RBM4B: variants seen among roughly 807,000 people sequenced by gnomAD.
RBM4B encodes the protein RNA-binding protein 4B.
RBM4B carries 13 observed loss-of-function variants against 28.5 expected under a neutral mutation model. The ratio of observed to expected loss-of-function variants is 0.46; its 90% confidence interval spans 0.30 to 0.72. The LOEUF (loss-of-function observed/expected upper bound fraction) is 0.72. Among genes scored for constraint, RBM4B ranks in the 30% least tolerant of loss-of-function variants. The pLI is 0.09. For synonymous variants in RBM4B, 167 were observed against 179.1 expected (o/e 0.93, Z 0.54); for missense variants, 387 against 477.6 (o/e 0.81, Z 1.77).
In RBM4B at chr11:66,671,743, C is replaced by T. The variant is rs142352161; in HGVS notation, c.413-2452G>A. On this transcript the variant is annotated intron_variant, in intron 2 of 3. Transcript: ENST00000310046. The stretch of plus-strand genomic sequence containing the variant: ...GATGCAGGTATCAATTTTTTTGTTG[C>T]GTTTGTTTGATTTTTGAGACGTAGT... Among the ~76,000 whole-genome samples the T allele has an allele frequency of 6.9e-4, 105 of 151,980 alleles. 2 individuals carry two copies. The highest frequency in any genetic ancestry group is 8.5e-4 in the Admixed American group (13 of 15,256).
At chr11:66,673,469 T>C (rs1939534467) in intron 2 of RBM4B, among the ~76,000 whole-genome samples, 1 of 152,142 alleles carries the variant, frequency 6.6e-6, no homozygotes, top group Non-Finnish European at 1.5e-5. Flanking sequence ...TTTTTGTTGG[T>C]TCATTTTTGA....
In RBM4B at chr11:66,665,407, A is replaced by C. The variant is rs1590877359; in HGVS notation, c.*181T>G. ...GTGAAAGGCTACAGAGACTAGTTTC[A>C]GGAGGAAAGAAAAGTCAACTTAGAA... On this transcript the variant is annotated 3_prime_UTR_variant, in exon 4 of 4. Transcript: ENST00000310046. The C allele has an allele frequency of 9.3e-6, 6 of 644,782 alleles. No homozygotes were observed. In the East Asian group the frequency reaches 1.6e-4, roughly 18 times the overall value. 39.9% of individuals were successfully genotyped at this position (644,782 alleles called of 1,614,324 possible). A position where few individuals can be genotyped will look rare whatever the true frequency, so the allele number is the denominator to read the frequency against.
chr11:66,668,759 T>C lies in RBM4B; in HGVS notation c.945A>G (p.Thr315=). 1.2e-6 allele frequency: 2 copies of C among 1,614,152 alleles called. No homozygotes were observed. Among genetic ancestry groups the C allele is most frequent in the Non-Finnish European group, 1.7e-6 (2 of 1,180,018 alleles). Residue 315 remains threonine, a synonymous_variant, in exon 3 of 4, where the codon ACA becomes ACG. Transcript: ENST00000310046. ...GCCCATAACCGTAGCCCTCTCCAAC[T>C]GTGGGGAGCATGGCTGCAGCACGAC... ...PLRRAAAMLP[T]VGEGYGYGPE...
At chr11:66,673,959 GCTATCTCCAGAGGA>G (rs1220296076) in intron 2 of RBM4B, among the ~76,000 whole-genome samples, 1 of 152,158 alleles carries the variant, frequency 6.6e-6, no homozygotes, top group African/African-American at 2.4e-5. Flanking sequence ...GGAGGAGAGT[GCTATCTCCAGAGGA>G]GCCAAGTTAA....
Position 66,665,454 on chromosome 11 carries a change from T to G in RBM4B, c.*134A>C. ...AGAAGAATTAAGAAAGAAAACATAG[T>G]TGGTCACAAACTCCTTTTGTTTACT... On this transcript the variant is annotated 3_prime_UTR_variant, in exon 4 of 4. Transcript: ENST00000310046. The G allele has an allele frequency of 1.3e-6, 1 of 749,338 alleles. No homozygotes were observed. Among genetic ancestry groups the G allele is most frequent in the South Asian group, 1.5e-5 (1 of 65,584 alleles). The allele number at this position is 749,338 out of a possible 1,614,324, so 46.4% of individuals were successfully genotyped here. A position where few individuals can be genotyped will look rare whatever the true frequency, so the allele number is the denominator to read the frequency against.
chr11:66,675,243 A>G (rs1260577173), intron 2 of RBM4B, among the ~76,000 whole-genome samples: 2 of 152,264 alleles, frequency 1.3e-5, no homozygotes, highest in Non-Finnish European at 2.9e-5. Context: ...AAACACTTTC[A>G]CATCGATTTC....
At chr11:66,676,529 A>T in intron 2 of RBM4B, 139 bp downstream of exon 2, 1 of 1,047,114 alleles carries the variant, frequency 9.6e-7, no homozygotes, top group Non-Finnish European at 1.4e-6. Context: ...AATTATGCTT[A>T]AGAGCGGTAA....
Position 66,669,194 on chromosome 11 carries a change from G to C in RBM4B, c.510C>G (p.His170Gln). ...GATCTACTGGGCACTCTTTGGACCAGTGCCCTTCTTTCCCACACCGATAGC... is the reference window on the plus strand; with the variant it reads ...GATCTACTGGGCACTCTTTGGACCACTGCCCTTCTTTCCCACACCGATAGC... ...SGCYRCGKEG[H>Q]WSKECPVDRT... The change falls in exon 3 of 4, where the codon CAC becomes CAG. Residue 170 changes from histidine (H) to glutamine (Q), a missense_variant. Around this residue, in one of 2 missense-constraint regions of RBM4B, gnomAD observed 161 missense variants for 256.9 expected, o/e 0.63. Coordinates refer to ENST00000310046, the MANE Select transcript of RBM4B (RefSeq NM_031492.4). 6.2e-7 allele frequency: 1 copy of C among 1,614,174 alleles called. No homozygotes were observed. Among genetic ancestry groups the C allele is most frequent in the East Asian group, 2.2e-5 (1 of 44,878 alleles).
At chr11:66,665,849 C>G (rs775535254) in intron 3 of RBM4B, 2 of 1,526,978 alleles carry the variant, frequency 1.3e-6, no homozygotes, top group Non-Finnish European at 8.8e-7. Context: ...TCTTATCCAT[C>G]TTTTAGGCAA....
In RBM4B at chr11:66,665,943, C is replaced by G. The variant is rs1310146982; in HGVS notation, c.*10-365G>C. ...AAGAACTGCAATTTAATTTTGGAGT[C>G]CAGGAAAAGCAGAAGATGCTGAGAT... On this transcript the variant is annotated intron_variant, in intron 3 of 3. Transcript: ENST00000310046. The G allele has an allele frequency of 3.9e-6, 6 of 1,534,206 alleles. No homozygotes were observed. The South Asian group carries it at 7.2e-5, about 18-fold the overall frequency.
intron 2 of RBM4B, among the ~76,000 whole-genome samples, chr11:66,673,731 G>T (rs764109238): frequency 6.6e-6 from 1 of 152,188 alleles, no homozygotes; most frequent in Non-Finnish European, 1.5e-5. Context: ...AGAGTGCTGG[G>T]ATTACAGGAG....
chr11:66,665,268 G>C lies in RBM4B; in HGVS notation c.*320C>G, dbSNP rs997287206. 2.6e-6 allele frequency: 1 copy of C among 382,076 alleles called. No homozygotes were observed. Among genetic ancestry groups the C allele is most frequent in the Non-Finnish European group, 4.8e-6 (1 of 209,706 alleles). 23.7% of individuals were successfully genotyped at this position (382,076 alleles called of 1,614,324 possible). On this transcript the variant is annotated 3_prime_UTR_variant, in exon 4 of 4. Coordinates refer to ENST00000310046, the MANE Select transcript of RBM4B (RefSeq NM_031492.4). ...AGATGCTGCAGGTAGGCAGGGAGAA[G>C]GATTCAACTCCTAGGGAAAGCAAGA...
chr11:66,669,444 GTTT>G (rs1278264019), intron 2 of RBM4B, among the ~76,000 whole-genome samples, 153 bp from the exon 3 acceptor site: 1 of 151,544 alleles, frequency 6.6e-6, no homozygotes, highest in African/African-American at 2.4e-5. Context: ...AGTAGTTGAA[GTTT>G]TTTTGTTTTT....
rs2135237053 is a variant in RBM4B, at chr11:66,669,225, C to T, written c.479G>A (p.Ser160Asn). Residue 160 changes from serine (S) to asparagine (N), a missense_variant, in exon 3 of 4, where the codon AGT becomes AAT. By Grantham distance (46) the Ser-to-Asn change is conservative. This residue lies in a region of RBM4B where 161 missense variants were observed against 256.9 expected (regional missense o/e 0.63). Transcript: ENST00000310046. Reference protein sequence around the residue: ...LRTAPGMGDQSGCYRCGKEGH... With the variant: ...LRTAPGMGDQNGCYRCGKEGH... ...TTCTTTCCCACACCGATAGCAGCCA[C>T]TCTGGTCTCCCATACCAGGGGCAGT... The T allele has an allele frequency of 1.2e-6, 2 of 1,614,218 alleles. No homozygotes were observed. Among genetic ancestry groups the T allele is most frequent in the East Asian group, 2.2e-5 (1 of 44,884 alleles).
Position 66,669,092 on chromosome 11 carries a change from G to A in RBM4B, c.612C>T (p.Gly204=). 3 of 1,614,100 alleles carry A rather than the reference G, an allele frequency of 1.9e-6. No individual in the cohort carries two copies. The highest frequency in any genetic ancestry group is 2.7e-5 in the African/African-American group (2 of 75,020). The part of the protein sequence containing the change: ...YGAVRTPYTM[G]YGESMYYNDA... Reference sequence around the variant, plus strand: ...CGTTGTAATACATGGATTCCCCGTAGCCCATGGTGTAAGGTGTTCGAACTG... The same window carrying A: ...CGTTGTAATACATGGATTCCCCGTAACCCATGGTGTAAGGTGTTCGAACTG... Residue 204 remains glycine, a synonymous_variant, in exon 3 of 4, where the codon GGC becomes GGT. Coordinates refer to ENST00000310046, the MANE Select transcript of RBM4B (RefSeq NM_031492.4).
chr11:66,669,924 TTACTTGTA>T (rs1939408762), intron 2 of RBM4B, among the ~76,000 whole-genome samples: 1 of 152,258 alleles, frequency 6.6e-6, no homozygotes, highest in South Asian at 2.1e-4. Flanking sequence ...AAGATTGTTA[TTACTTGTA>T]ATGATTCAAA....
intron 3 of RBM4B, 83 bp from the exon 4 acceptor site, chr11:66,665,661 C>T (rs1939198372): frequency 1.3e-6 from 2 of 1,527,514 alleles, no homozygotes; most frequent in South Asian, 1.2e-5. Context: ...GGGTCCTGTC[C>T]TGTATTCCGG....
At chr11:66,672,505 T>TGGGG (rs544414659) in intron 2 of RBM4B, among the ~76,000 whole-genome samples, 1 of 135,876 alleles carries the variant, frequency 7.4e-6, no homozygotes, top group Non-Finnish European at 1.6e-5. Context: ...TTAATTTTTT[T>TGGGG]GGGGGGGGGG....
intron 2 of RBM4B, among the ~76,000 whole-genome samples, chr11:66,671,178 C>T (rs1253516011): frequency 1.3e-5 from 2 of 152,130 alleles, no homozygotes; most frequent in Admixed American, 6.5e-5. Flanking sequence ...GGAGACAGGC[C>T]GCATCCACTA....
Sources: gnomAD v4.1 joint callset for allele counts (sites outside exome capture counted in the v4.1 genomes callset) on GRCh38, gnomAD v4.1.1 for gene constraint, gnomAD v4.1.1 regional missense constraint, MANE v1.5 for transcripts, NCBI Gene and HGNC (gene_info 2026-07-23, HGNC 2026-07-21) for gene names.